The following SHROOM3 variants were observed in gnomAD, a reference collection of about 807,000 sequenced individuals.
The protein encoded by SHROOM3 is shroom family member 3.
Under a neutral mutation model 138.6 loss-of-function variants are expected in SHROOM3, and 47 were observed. That is an observed-to-expected ratio of 0.34 (90% CI 0.27 to 0.43). The LOEUF is 0.43. Among genes scored for constraint, SHROOM3 ranks in the 20% least tolerant of loss-of-function variants. The pLI, the probability that SHROOM3 is intolerant of heterozygous loss-of-function variation, is 1.00. For missense variants in SHROOM3, 2,491 were observed against 2,596.5 expected (o/e 0.96, Z 0.88); for synonymous variants, 1,062 against 1,063.3 (o/e 1.00, Z 0.02).
chr4:76,636,400 C>T (rs561148651), intron 2 of SHROOM3, among the ~76,000 whole-genome samples: 5 of 152,198 alleles, frequency 3.3e-5, no homozygotes, highest in Non-Finnish European at 7.3e-5. Flanking sequence ...TAGTCACTTT[C>T]ACATAAAGTA....
intron 5 of SHROOM3, among the ~76,000 whole-genome samples, chr4:76,745,128 T>C (rs1475458691): frequency 1.3e-5 from 2 of 152,228 alleles, no homozygotes; most frequent in Non-Finnish European, 2.9e-5. Flanking sequence ...TAGATATTAG[T>C]GATGGAGCTT....
chr4:76,624,979 A>G lies in SHROOM3; in HGVS notation c.323+69216A>G, dbSNP rs1374173047. 7.9e-5 allele frequency among the ~76,000 whole-genome samples: 12 copies of G among 152,318 alleles called. 1 individual carries two copies. In the East Asian group the frequency reaches 1.9e-3, roughly 24 times the overall value. ...CTCAGTACAATGATATTATATTATT[A>G]TTGGAATTGAAAAGGTTCCTGTGTA... On this transcript the variant is annotated intron_variant, in intron 2 of 10. Transcript: ENST00000296043.
At chr4:76,595,908 T>C (rs1734372913) in intron 2 of SHROOM3, among the ~76,000 whole-genome samples, 1 of 152,086 alleles carries the variant, frequency 6.6e-6, no homozygotes. Context: ...GTACATGGAG[T>C]CTAAGAGGAG....
intron 1 of SHROOM3, among the ~76,000 whole-genome samples, chr4:76,479,549 A>G (rs1169828791): frequency 1.3e-5 from 2 of 152,182 alleles, no homozygotes; most frequent in African/African-American, 4.8e-5. Flanking sequence ...CAAGTTGGAA[A>G]ACACTCTTCA....
chr4:76,479,812 G>T (rs750891650), intron 1 of SHROOM3, among the ~76,000 whole-genome samples: 1 of 152,302 alleles, frequency 6.6e-6, no homozygotes, highest in East Asian at 1.9e-4. Context: ...CCAGAAGAGA[G>T]TGGGAGCCAA....
chr4:76,451,748 C>G (rs1275934428), intron 1 of SHROOM3, among the ~76,000 whole-genome samples: 3 of 152,060 alleles, frequency 2.0e-5, no homozygotes, highest in Admixed American at 6.5e-5. Context: ...AAGAAATTGG[C>G]TATTGGAAGC....
intron 2 of SHROOM3, among the ~76,000 whole-genome samples, chr4:76,646,875 A>G (rs1382142654): frequency 6.6e-6 from 1 of 152,160 alleles, no homozygotes; most frequent in African/African-American, 2.4e-5. Flanking sequence ...TTCTCGAAAA[A>G]CTGAAAATAG....
chr4:76,746,531 A>T (rs150163880), intron 5 of SHROOM3, among the ~76,000 whole-genome samples: 1 of 152,188 alleles, frequency 6.6e-6, no homozygotes, highest in Non-Finnish European at 1.5e-5. Flanking sequence ...AGCACACTCT[A>T]TAATGTTTGC....
At chr4:76,696,736 G>A (rs1719746842) in intron 2 of SHROOM3, among the ~76,000 whole-genome samples, 1 of 152,124 alleles carries the variant, frequency 6.6e-6, no homozygotes, top group Admixed American at 6.5e-5. Flanking sequence ...CTCAGATTCT[G>A]TTCCCAATAC....
intron 1 of SHROOM3, among the ~76,000 whole-genome samples, chr4:76,539,278 T>G (rs1733045978): frequency 6.6e-6 from 1 of 152,194 alleles, no homozygotes; most frequent in Non-Finnish European, 1.5e-5. Flanking sequence ...TATGTTAATG[T>G]TGCTTCTGCT....
At chr4:76,748,746 T>TA (rs1721526800) in intron 5 of SHROOM3, among the ~76,000 whole-genome samples, 1 of 152,056 alleles carries the variant, frequency 6.6e-6, no homozygotes, top group South Asian at 2.1e-4. Context: ...AGACTTCTCT[T>TA]AGTTAGGAAA....
At chr4:76,707,893 A>T (rs1260504577) in intron 2 of SHROOM3, among the ~76,000 whole-genome samples, 1 of 151,764 alleles carries the variant, frequency 6.6e-6, no homozygotes, top group Non-Finnish European at 1.5e-5. Context: ...TGATTCTAGC[A>T]CTCTCTCCAG....
intron 9 of SHROOM3, 113 bp from the exon 10 acceptor site, chr4:76,770,513 G>A: frequency 8.0e-7 from 1 of 1,256,852 alleles, no homozygotes; most frequent in South Asian, 1.3e-5. Flanking sequence ...TAGAGAAGGG[G>A]GAGGATATTC....
intron 2 of SHROOM3, among the ~76,000 whole-genome samples, chr4:76,651,314 A>G (rs1196674314): frequency 6.6e-6 from 1 of 150,584 alleles, no homozygotes; most frequent in East Asian, 1.9e-4. Context: ...CAAAGGAAAG[A>G]TGCTTGAGGG....
At chr4:76,773,701 C>T (rs1451885272) in intron 10 of SHROOM3, among the ~76,000 whole-genome samples, 1 of 152,212 alleles carries the variant, frequency 6.6e-6, no homozygotes, top group Non-Finnish European at 1.5e-5. Flanking sequence ...GCCAGGGATA[C>T]ATGCCACAGT....
Position 76,754,584 on chromosome 4 carries a change from C to T in SHROOM3, c.4101C>T (p.Cys1367=). Residue 1367 remains cysteine, a synonymous_variant, in exon 7 of 11, where the codon TGC becomes TGT. Coordinates refer to ENST00000296043, the MANE Select transcript of SHROOM3 (RefSeq NM_020859.4). ...CTTCAGCCATTCCCTCTGGCTACTGCTCACAGGACGGTCAGACAGGGCGAC... is the reference window on the plus strand; with the variant it reads ...CTTCAGCCATTCCCTCTGGCTACTGTTCACAGGACGGTCAGACAGGGCGAC... ...PLPSAIPSGY[C]SQDGQTGRQP... 4 of 1,614,160 alleles carry T rather than the reference C, an allele frequency of 2.5e-6. No individual in the cohort carries two copies. Among genetic ancestry groups the T allele is most frequent in the Non-Finnish European group, 3.4e-6 (4 of 1,180,012 alleles).
chr4:76,605,933 CTATATA>C (rs1326696560), intron 2 of SHROOM3, among the ~76,000 whole-genome samples: 3 of 133,102 alleles, frequency 2.3e-5, no homozygotes, highest in Non-Finnish European at 4.7e-5. Flanking sequence ...CTCTCTCTCT[CTATATA>C]TATATATACA....
At chr4:76,454,859 C>CT (rs2109971947) in intron 1 of SHROOM3, among the ~76,000 whole-genome samples, 1 of 152,196 alleles carries the variant, frequency 6.6e-6, no homozygotes, top group Non-Finnish European at 1.5e-5. Flanking sequence ...TTCATGCATG[C>CT]TTTTTGCCTC....
intron 10 of SHROOM3, among the ~76,000 whole-genome samples, chr4:76,774,494 T>A (rs989384233): frequency 2.0e-5 from 3 of 152,130 alleles, no homozygotes; most frequent in African/African-American, 7.2e-5. Flanking sequence ...AAAATTTTTT[T>A]AATCTGCAGC....
Sources: gnomAD v4.1 joint callset for allele counts (sites outside exome capture counted in the v4.1 genomes callset) on GRCh38, gnomAD v4.1.1 for gene constraint, MANE v1.5 for transcripts, NCBI Gene and HGNC (gene_info 2026-07-23, HGNC 2026-07-21) for gene names.